The following TJP2 variants were observed in gnomAD, a reference collection of about 807,000 sequenced individuals.
The protein encoded by TJP2 is Friedreich ataxia region gene X104 (tight junction protein ZO-2).
A neutral mutation model predicts 133.1 loss-of-function variants in TJP2; 91 were observed. The ratio of observed to expected loss-of-function variants is 0.68; its 90% CI spans 0.58 to 0.81. The LOEUF (loss-of-function observed/expected upper bound fraction) is 0.81, where lower values mean the gene tolerates loss of function less well. TJP2 is among the 40% of genes least tolerant of loss of function. The pLI is 0.00. For synonymous variants in TJP2, 592 were observed against 583.4 expected (o/e 1.01, Z -0.21); for missense variants, 1,541 against 1,565.6 (o/e 0.98, Z 0.26).
chr9:69,212,262 G>A (rs1827975822), intron 1 of TJP2, among the ~76,000 whole-genome samples: 1 of 152,204 alleles, frequency 6.6e-6, no homozygotes, highest in African/African-American at 2.4e-5. Context: ...TGATGATAAT[G>A]TTTTGGAATA....
intron 19 of TJP2, 48 bp downstream of exon 19, chr9:69,248,272 C>T: frequency 1.3e-6 from 2 of 1,545,044 alleles, no homozygotes; most frequent in Non-Finnish European, 1.8e-6. Flanking sequence ...CTGGTGTTTT[C>T]CTTGCACTCT....
intron 17 of TJP2, 108 bp from the exon 18 acceptor site, chr9:69,246,582 G>T: frequency 1.1e-6 from 1 of 937,940 alleles, no homozygotes; most frequent in East Asian, 2.5e-5. Flanking sequence ...TCTTGCGTCT[G>T]CCATAGTCTT....
rs777722910 is a variant in TJP2 at position 69,233,756 on chromosome 9, G to A, written c.1672-683G>A. On this transcript the variant is annotated intron_variant, in intron 11 of 22. Coordinates refer to ENST00000377245, the MANE Select transcript of TJP2 (RefSeq NM_004817.4). ...CGCGCCATTGCACTCCAGCCTGGGCGACAGAGGGAGACTACATCTCAAAAA... is the reference window on the plus strand; with the variant it reads ...CGCGCCATTGCACTCCAGCCTGGGCAACAGAGGGAGACTACATCTCAAAAA... Among the ~76,000 whole-genome samples, 7 of 151,778 alleles carry A rather than the reference G, an allele frequency of 4.6e-5. No homozygotes were observed. The South Asian group carries it at 6.2e-4, about 14-fold the overall frequency.
Position 69,254,953 on chromosome 9 carries a change from T to A in TJP2, c.*579T>A. 1 of 266,858 alleles carries A rather than the reference T, an allele frequency of 3.7e-6. No individual in the cohort carries two copies. The highest frequency in any genetic ancestry group is 2.2e-5 in the African/African-American group (1 of 45,690). 16.5% of individuals were successfully genotyped at this position (266,858 alleles called of 1,614,324 possible). ...TAGCTGTAGTTTTCCCTGCACTGTG[T>A]CATCTTTTCAAGGCATTTGTCTTTG... On this transcript the variant is annotated 3_prime_UTR_variant, in exon 23 of 23. Coordinates refer to ENST00000377245, the MANE Select transcript of TJP2 (RefSeq NM_004817.4).
chr9:69,227,659 C>T lies in TJP2; in HGVS notation c.1211-106C>T, dbSNP rs529576197. On this transcript the variant is annotated intron_variant, in intron 7 of 22. Transcript: ENST00000377245. The stretch of plus-strand genomic sequence containing the variant: ...CTAATAGCACATTTCCTGCCTACCT[C>T]GTTTCCATTTCCCGTGTTTCCTACC... 9 of 776,596 alleles carry T rather than the reference C, an allele frequency of 1.2e-5. No homozygotes were observed. The Admixed American group carries it at 1.5e-4, about 13-fold the overall frequency. 48.1% of individuals were successfully genotyped at this position (776,596 alleles called of 1,614,324 possible). A position where few individuals can be genotyped will look rare whatever the true frequency, so the allele number is the denominator to read the frequency against.
chr9:69,232,030 A>G (rs1338603475), intron 11 of TJP2, among the ~76,000 whole-genome samples: 1 of 152,202 alleles, frequency 6.6e-6, no homozygotes, highest in Non-Finnish European at 1.5e-5. Context: ...GAATTCACCT[A>G]GAGGCTTGGC....
intron 20 of TJP2, among the ~76,000 whole-genome samples, chr9:69,250,600 C>G (rs1473790568): frequency 8.5e-5 from 13 of 152,208 alleles, no homozygotes; most frequent in African/African-American, 3.1e-4. Context: ...CTCCCCACCC[C>G]AGTCTCATTC....
At chr9:69,124,517 C>T (rs1047832189) in intron 1 of TJP2, among the ~76,000 whole-genome samples, 1 of 76,718 alleles carries the variant, frequency 1.3e-5, no homozygotes, top group Non-Finnish European at 3.0e-5. Flanking sequence ...TTTTTCTTGA[C>T]CCTTGCCTCT....
chr9:69,180,212 C>T (rs1013128007), intron 1 of TJP2, among the ~76,000 whole-genome samples: 5 of 151,854 alleles, frequency 3.3e-5, no homozygotes, highest in Admixed American at 3.3e-4. Context: ...GTTATTCTTA[C>T]TGGTAGGTAA....
intron 17 of TJP2, among the ~76,000 whole-genome samples, chr9:69,244,621 C>A (rs1830801202): frequency 6.6e-6 from 1 of 152,276 alleles, no homozygotes; most frequent in Middle Eastern, 3.4e-3. Flanking sequence ...TGCTCTAAGG[C>A]AAAGAATCTG....
At chr9:69,219,064 G>T (rs913931916) in intron 4 of TJP2, among the ~76,000 whole-genome samples, 6 of 151,984 alleles carry the variant, frequency 3.9e-5, no homozygotes, top group Non-Finnish European at 7.4e-5. Flanking sequence ...CCGCCTCCTG[G>T]GTTCAAGCGA....
At position 69,254,511 on chromosome 9, in the gene TJP2, G is replaced by A; in HGVS notation, c.*137G>A. 8.9e-7 allele frequency: 1 copy of A among 1,123,744 alleles called. No individual in the cohort carries two copies. Among genetic ancestry groups the A allele is most frequent in the South Asian group, 1.3e-5 (1 of 76,616 alleles). The allele number at this position is 1,123,744 out of a possible 1,614,324, so 69.6% of individuals were successfully genotyped here. ...GGGACTCCAGCTCGTGTGTCCTCAT[G>A]GAGAACCCAGGGGACAGCTGGTGCA... is the stretch of plus-strand genomic sequence containing the variant. On this transcript the variant is annotated 3_prime_UTR_variant, in exon 23 of 23. Transcript: ENST00000377245.
chr9:69,175,483 G>A (rs533184648), intron 1 of TJP2, among the ~76,000 whole-genome samples: 5 of 152,222 alleles, frequency 3.3e-5, no homozygotes, highest in Non-Finnish European at 5.9e-5. Context: ...ACACACCTGG[G>A]CAGGAGATCG....
chr9:69,252,945 A>G lies in TJP2; in HGVS notation c.3407+45A>G, dbSNP rs41277913. The G allele has an allele frequency of 0.066, 103,629 of 1,569,156 alleles. 3,839 individuals carry two copies. Among genetic ancestry groups the G allele is most frequent in the Middle Eastern group, 0.11 (677 of 5,970 alleles). On this transcript the variant is annotated intron_variant, in intron 22 of 22. Transcript: ENST00000377245. ...TACAGGTCTAAGGCGGGGACTTCTC[A>G]AGGACTGGGACTTGAAGAAAGAATT...
At chr9:69,174,181 C>CG (rs1824869818), upstream of TJP2, 3 of 1,307,046 alleles carry the variant, frequency 2.3e-6, no homozygotes, top group South Asian at 4.8e-5. Flanking sequence ...GCGCCACGCT[C>CG]GGGTCGGGGG....
intron 6 of TJP2, among the ~76,000 whole-genome samples, chr9:69,225,707 A>C (rs577313998): frequency 7.2e-5 from 11 of 152,334 alleles, no homozygotes; most frequent in African/African-American, 2.6e-4. Flanking sequence ...AAAGTTGGTG[A>C]TATATGAATG....
chr9:69,191,640 G>T (rs1218222062), intron 1 of TJP2, among the ~76,000 whole-genome samples: 5 of 152,202 alleles, frequency 3.3e-5, no homozygotes, highest in African/African-American at 1.2e-4. Flanking sequence ...ACATCATTTT[G>T]AGGGTGGGGA....
chr9:69,156,951 T>C (rs559914268), intron 2 of TJP2, among the ~76,000 whole-genome samples: 1 of 152,334 alleles, frequency 6.6e-6, no homozygotes, highest in South Asian at 2.1e-4. Flanking sequence ...AGTACTGCTA[T>C]TCTAAAGCCT....
At chr9:69,236,333 A>C in intron 13 of TJP2, 95 bp downstream of exon 13, 29 of 1,203,218 alleles carry the variant, frequency 2.4e-5, no homozygotes, top group Non-Finnish European at 3.3e-5. Flanking sequence ...GAAACCCCAC[A>C]TGATGAGTTC....
Sources: gnomAD v4.1 joint callset for allele counts (sites outside exome capture counted in the v4.1 genomes callset) on GRCh38, gnomAD v4.1.1 for gene constraint, MANE v1.5 for transcripts, NCBI Gene and HGNC (gene_info 2026-07-23, HGNC 2026-07-21) for gene names.